LINGO2: variants seen among roughly 807,000 people sequenced by gnomAD.
The protein encoded by LINGO2 is leucine rich repeat and Ig domain containing 2.
LINGO2 carries 14 observed loss-of-function variants against 30.6 expected under a neutral mutation model. The ratio of observed to expected loss-of-function variants is 0.46; its 90% CI spans 0.30 to 0.72. The LOEUF (loss-of-function observed/expected upper bound fraction) is 0.72. Among genes scored for constraint, LINGO2 ranks in the 30% least tolerant of loss-of-function variants. The pLI, the probability that LINGO2 is intolerant of heterozygous loss-of-function variation, is 0.07. For synonymous variants in LINGO2, 317 were observed against 288.5 expected (o/e 1.10, Z -1.00); for missense variants, 729 against 751.7 (o/e 0.97, Z 0.35).
chr9:28,143,608 G>A (rs1056964778), intron 4 of LINGO2, among the ~76,000 whole-genome samples: 1 of 152,052 alleles, frequency 6.6e-6, no homozygotes, highest in African/African-American at 2.4e-5. Flanking sequence ...ATATGGACTG[G>A]ATAATGACTA....
Position 28,519,672 on chromosome 9 carries a change from A to G in LINGO2, c.-364-43647T>C, listed in dbSNP as rs113384355. Among the ~76,000 whole-genome samples the G allele has an allele frequency of 4.0e-3, 614 of 152,314 alleles. 5 individuals carry two copies. The highest frequency in any genetic ancestry group is 0.014 in the African/African-American group (566 of 41,566). ...ATAAGAAATGTTACCTGCACTATAC[A>G]TCCTTCACCACATCTACAGATCTTC... On this transcript the variant is annotated intron_variant, in intron 1 of 5. Coordinates refer to ENST00000379992, the Ensembl canonical transcript of LINGO2.
At chr9:29,100,479 A>T in the LINGO2 span, among the ~76,000 whole-genome samples, 39 of 152,044 alleles carry the variant, frequency 2.6e-4, no homozygotes, top group Non-Finnish European at 5.3e-4. Flanking sequence ...CTGTAATCCC[A>T]GCTACTCAGG....
intron 1 of LINGO2, among the ~76,000 whole-genome samples, chr9:28,554,886 CT>C (rs1822556190): frequency 1.4e-5 from 2 of 138,038 alleles, no homozygotes; most frequent in South Asian, 4.8e-4. Flanking sequence ...CAACCTGCTC[CT>C]GAATGACTAC....
chr9:28,552,436 C>T (rs1027555813), intron 1 of LINGO2, among the ~76,000 whole-genome samples: 4 of 152,010 alleles, frequency 2.6e-5, no homozygotes, highest in Non-Finnish European at 5.9e-5. Context: ...GAATCACGAA[C>T]ACTTGGTCTT....
chr9:28,269,694 C>T (rs1822874156), intron 4 of LINGO2, among the ~76,000 whole-genome samples: 1 of 152,120 alleles, frequency 6.6e-6, no homozygotes, highest in Non-Finnish European at 1.5e-5. Flanking sequence ...AGTATTCCCA[C>T]ATCCACCACA....
chr9:28,839,174 C>A, the LINGO2 span, among the ~76,000 whole-genome samples: 6 of 152,172 alleles, frequency 3.9e-5, no homozygotes, highest in Non-Finnish European at 5.9e-5. Flanking sequence ...TTTTCATCAC[C>A]CTCAACATGG....
rs376287419 is a variant in LINGO2 at position 28,396,426 on chromosome 9, C to T, written c.-278-23558G>A. Among the ~76,000 whole-genome samples, 28 of 152,016 alleles carry T rather than the reference C, an allele frequency of 1.8e-4. No homozygotes were observed. In the South Asian group the frequency reaches 4.0e-3, roughly 21 times the overall value. On this transcript the variant is annotated intron_variant, in intron 2 of 5. Transcript: ENST00000379992. ...AATATTTAAGAAGTCCTGATTAGGC[C>T]GGGCGCAGTGGCTCATGCCTGTAAT...
chr9:28,211,204 A>G (rs1029451430), intron 4 of LINGO2, among the ~76,000 whole-genome samples: 2 of 151,404 alleles, frequency 1.3e-5, no homozygotes, highest in African/African-American at 4.8e-5. Context: ...GCAATTAATT[A>G]CCGTAGCCCA....
At chr9:28,590,604 T>C (rs1036534662) in intron 1 of LINGO2, among the ~76,000 whole-genome samples, 52 of 152,018 alleles carry the variant, frequency 3.4e-4, no homozygotes, top group Admixed American at 1.4e-3. Context: ...AAAACCACAA[T>C]GAGATACCAT....
intron 3 of LINGO2, among the ~76,000 whole-genome samples, chr9:28,334,821 T>A (rs938210385): frequency 3.9e-5 from 6 of 152,114 alleles, no homozygotes; most frequent in Admixed American, 6.6e-5. Flanking sequence ...GGCATTGTGA[T>A]TGTATTCAGA....
At chr9:28,798,857 A>C in the LINGO2 span, among the ~76,000 whole-genome samples, 2 of 152,148 alleles carry the variant, frequency 1.3e-5, no homozygotes, top group Non-Finnish European at 2.9e-5. Flanking sequence ...CTAAATAAGA[A>C]GAAAAATAAG....
chr9:28,511,838 G>A (rs559683666), intron 1 of LINGO2, among the ~76,000 whole-genome samples: 1 of 152,264 alleles, frequency 6.6e-6, no homozygotes, highest in Admixed American at 6.5e-5. Flanking sequence ...TCTGCACACT[G>A]GGAAGATTTC....
chr9:28,253,714 C>T (rs370647278), intron 4 of LINGO2, among the ~76,000 whole-genome samples: 51 of 152,222 alleles, frequency 3.4e-4, no homozygotes, highest in African/African-American at 1.1e-3. Flanking sequence ...CCTTAACCTG[C>T]GGCCTGGGGC....
chr9:27,948,092 T>C (rs1000829671), exon 6 of LINGO2: 1 of 152,232 alleles, frequency 6.6e-6, no homozygotes, highest in Non-Finnish European at 1.5e-5. Flanking sequence ...GTATCAAAAC[T>C]AGGCACATGC....
intron 4 of LINGO2, among the ~76,000 whole-genome samples, chr9:28,103,755 T>G (rs1826485558): frequency 6.6e-6 from 1 of 152,208 alleles, no homozygotes; most frequent in Admixed American, 6.5e-5. Context: ...AAATAATCAA[T>G]ACATGTACAC....
intron 1 of LINGO2, among the ~76,000 whole-genome samples, chr9:28,540,668 G>C (rs942986081): frequency 9.9e-5 from 15 of 152,068 alleles, no homozygotes; most frequent in Non-Finnish European, 1.8e-4. Flanking sequence ...TTTAATAAAG[G>C]AATGATCTTA....
the LINGO2 span, among the ~76,000 whole-genome samples, chr9:28,785,037 G>A: frequency 6.6e-6 from 1 of 151,906 alleles, no homozygotes; most frequent in South Asian, 2.1e-4. Flanking sequence ...AATGTGGATT[G>A]TTCTACATAC....
rs145467669 is a variant in LINGO2, at chr9:28,035,801, A to G, written c.-86-23396T>C. On this transcript the variant is annotated intron_variant, in intron 4 of 5. Transcript: ENST00000379992. ...TATTTTAGTAGAAAGGTGCTGTATG[A>G]ATGTGAAAGCTCCTAATTAGCTTTT... Among the ~76,000 whole-genome samples the G allele has an allele frequency of 5.2e-3, 790 of 152,234 alleles. 9 individuals are homozygous for G. Among genetic ancestry groups the G allele is most frequent in the African/African-American group, 0.017 (719 of 41,542 alleles).
At chr9:28,603,074 G>C (rs1424782385) in intron 1 of LINGO2, among the ~76,000 whole-genome samples, 1 of 151,986 alleles carries the variant, frequency 6.6e-6, no homozygotes, top group African/African-American at 2.4e-5. Context: ...AAGTTTTCTG[G>C]CTTACACTAT....
Sources: allele counts gnomAD v4.1 joint callset (sites outside exome capture counted in the v4.1 genomes callset), GRCh38; gene constraint gnomAD v4.1.1; transcripts MANE v1.5; gene names NCBI Gene and HGNC (gene_info 2026-07-23, HGNC 2026-07-21).